Variants in BCL7A observed in about 807,000 individuals in gnomAD.
BCL7A encodes BAF chromatin remodeling complex subunit BCL7A, also known as B-cell CLL/lymphoma 7 protein family member A.
A neutral mutation model predicts 28.4 loss-of-function variants in BCL7A; 11 were observed. The observed-to-expected ratio is 0.39, with a 90% confidence interval of 0.24 to 0.64. The LOEUF is 0.64. BCL7A is among the 30% of genes least tolerant of loss of function. The pLI is 0.50. For missense variants in BCL7A, 222 were observed against 274.8 expected (o/e 0.81, Z 1.36); for synonymous variants, 123 against 103.3 (o/e 1.19, Z -1.15).
At chr12:122,037,861 A>G (rs973401611) in intron 3 of BCL7A, among the ~76,000 whole-genome samples, 1 of 152,222 alleles carries the variant, frequency 6.6e-6, no homozygotes, top group African/African-American at 2.4e-5. Flanking sequence ...AGGCAGGAGA[A>G]TCGCTTGAAC....
intron 1 of BCL7A, among the ~76,000 whole-genome samples, chr12:122,026,129 T>C (rs1047131495): frequency 1.3e-5 from 2 of 149,196 alleles, no homozygotes; most frequent in Admixed American, 6.7e-5. Flanking sequence ...TAGCCGGGAG[T>C]GGTGGCAGGC....
chr12:122,043,832 C>T (rs949060877), intron 3 of BCL7A, 54 bp from the exon 4 acceptor site: 40 of 1,538,924 alleles, frequency 2.6e-5, no homozygotes, highest in African/African-American at 1.6e-4. Context: ...CTGACCTACC[C>T]GTCCTTGGCA....
In BCL7A at chr12:122,029,978, C is replaced by T. The variant is rs528820220; in HGVS notation, c.93-722C>T. On this transcript the variant is annotated intron_variant, in intron 1 of 5. Coordinates refer to ENST00000261822, the MANE Select transcript of BCL7A (RefSeq NM_001024808.3). This position sits in a 1 kb window ranked among gnomAD's most constrained non-coding sequence, Gnocchi z 4.3. The stretch of plus-strand genomic sequence containing the variant: ...TGTAAGTTTCTCCTCATCCATAAAC[C>T]TGCCTCTCACAGTGGGGGGTCTGGA... 6.6e-6 allele frequency among the ~76,000 whole-genome samples: 1 copy of T among 152,270 alleles called. No individual in the cohort carries two copies. Among genetic ancestry groups the T allele is most frequent in the Non-Finnish European group, 1.5e-5 (1 of 68,006 alleles).
intron 4 of BCL7A, among the ~76,000 whole-genome samples, chr12:122,048,161 C>A (rs1884115192): frequency 6.6e-6 from 1 of 152,046 alleles, no homozygotes; most frequent in South Asian, 2.1e-4. Context: ...CCTCGGCCTC[C>A]CAAAGTGCTG....
intron 1 of BCL7A, among the ~76,000 whole-genome samples, chr12:122,023,195 G>C (rs575354508): frequency 2.0e-5 from 3 of 152,334 alleles, no homozygotes; most frequent in East Asian, 1.9e-4. Context: ...CAGATCGCCA[G>C]GTTGGGTCAG....
At chr12:122,033,239 A>T (rs1395552366) in intron 2 of BCL7A, among the ~76,000 whole-genome samples, 2 of 151,948 alleles carry the variant, frequency 1.3e-5, no homozygotes, top group Non-Finnish European at 2.9e-5. Context: ...GGGCTCAAGC[A>T]ATCCTTCTAT....
chr12:122,030,887 C>A, intron 2 of BCL7A, 106 bp downstream of exon 2: 1 of 1,183,878 alleles, frequency 8.4e-7, no homozygotes, highest in Non-Finnish European at 1.2e-6. Flanking sequence ...GGCTCTGGGA[C>A]CAAGAGCCCC....
chr12:122,051,465 C>T (rs773815752), intron 4 of BCL7A, among the ~76,000 whole-genome samples: 1 of 152,218 alleles, frequency 6.6e-6, no homozygotes, highest in Non-Finnish European at 1.5e-5. Flanking sequence ...AAATTTAGGT[C>T]CCAGGAAAAT....
At position 122,041,259 on chromosome 12, in the gene BCL7A, G is replaced by A. The variant is rs887572412; in HGVS notation, c.272-2627G>A. Among the ~76,000 whole-genome samples, 4 of 152,220 alleles carry A rather than the reference G, an allele frequency of 2.6e-5. No homozygotes were observed. In the South Asian group the frequency reaches 8.3e-4, roughly 32 times the overall value. ...CCCTCCGGAAAGTGAAGGTGGTAACGGTGCCTTTCCAACGGGTTGTGGGGA... is the reference window on the plus strand; with the variant it reads ...CCCTCCGGAAAGTGAAGGTGGTAACAGTGCCTTTCCAACGGGTTGTGGGGA... On this transcript the variant is annotated intron_variant, in intron 3 of 5. Transcript: ENST00000261822.
At chr12:122,045,777 C>T (rs377226057) in intron 4 of BCL7A, among the ~76,000 whole-genome samples, 26 of 152,010 alleles carry the variant, frequency 1.7e-4, no homozygotes, top group African/African-American at 6.3e-4. Flanking sequence ...AACATGTCAG[C>T]ACGTGTCTTT....
rs752744811 is a variant in BCL7A, at chr12:122,054,786, C to T, written c.440-19C>T. 1 of 1,608,746 alleles carries T rather than the reference C, an allele frequency of 6.2e-7. No homozygotes were observed. The highest frequency in any genetic ancestry group is 8.5e-7 in the Non-Finnish European group (1 of 1,176,382). On this transcript the variant is annotated intron_variant, in intron 4 of 5. Transcript: ENST00000261822. ...TCACGTGTCTGAAAACAGCTCCTGT[C>T]GTCTTGCTCTTCCCTCAGATGCTTC...
At chr12:122,057,008 C>T (rs1356057237) in intron 5 of BCL7A, among the ~76,000 whole-genome samples, 1 of 152,212 alleles carries the variant, frequency 6.6e-6, no homozygotes, top group East Asian at 1.9e-4. Context: ...CTAATCCCTG[C>T]CTGCCACAGT....
In BCL7A at chr12:122,060,112, C is replaced by T. The variant is rs1029596567; in HGVS notation, c.*949C>T. 11 of 233,108 alleles carry T rather than the reference C, an allele frequency of 4.7e-5. No individual in the cohort carries two copies. The Admixed American group carries it at 5.1e-4, about 11-fold the overall frequency. The allele number at this position is 233,108 out of a possible 1,614,324, so 14.4% of individuals were successfully genotyped here. ...TGAGTGGGCCGGGGAGGCTGGGAGC[C>T]GGCGGCAGGATTAGCTGGTGCTGAA... On this transcript the variant is annotated 3_prime_UTR_variant, in exon 6 of 6. Transcript: ENST00000261822.
At chr12:122,035,791 A>T (rs1883838292) in intron 3 of BCL7A, among the ~76,000 whole-genome samples, 5 of 151,992 alleles carry the variant, frequency 3.3e-5, no homozygotes, top group Admixed American at 2.6e-4. Context: ...TGTGTTTCCC[A>T]TTTTGCTTTG....
rs1285615585 is a variant in BCL7A, at chr12:122,035,834, G to GTTTGT, written c.271+426_271+430dup. ...GGAATCTCCAAACTGGATTTTGTTT[G>GTTTGT]TTTGTTTTGTTTTGTTTTGTTTTTG... On this transcript the variant is annotated intron_variant, in intron 3 of 5. Transcript: ENST00000261822. Among the ~76,000 whole-genome samples, 8 of 152,126 alleles carry GTTTGT rather than the reference G, an allele frequency of 5.3e-5. No homozygotes were observed. In the East Asian group the frequency reaches 5.8e-4, roughly 11 times the overall value.
chr12:122,042,509 G>A (rs1030599273), intron 3 of BCL7A, among the ~76,000 whole-genome samples: 1 of 151,910 alleles, frequency 6.6e-6, no homozygotes, highest in African/African-American at 2.4e-5. Context: ...ACAAAACTCA[G>A]CCAGGTATGG....
At chr12:122,044,594 A>C (rs930606296) in intron 4 of BCL7A, among the ~76,000 whole-genome samples, 3 of 152,082 alleles carry the variant, frequency 2.0e-5, no homozygotes, top group African/African-American at 7.2e-5. Flanking sequence ...AGGCTGAAGC[A>C]GGAGGATCAC....
chr12:122,038,312 A>C (rs1377462541), intron 3 of BCL7A, among the ~76,000 whole-genome samples: 1 of 151,320 alleles, frequency 6.6e-6, no homozygotes, highest in Non-Finnish European at 1.5e-5. Context: ...TGTGCCTGTA[A>C]TCCCAGCTAC....
At chr12:122,023,687 TC>T (rs1055868037) in intron 1 of BCL7A, among the ~76,000 whole-genome samples, 18 of 151,960 alleles carry the variant, frequency 1.2e-4, no homozygotes, top group African/African-American at 4.1e-4. Flanking sequence ...TCTCGGGAGC[TC>T]CCCTGGTACA....
Sources: gnomAD v4.1 joint callset for allele counts (sites outside exome capture counted in the v4.1 genomes callset) on GRCh38, gnomAD v4.1.1 for gene constraint, Gnocchi (gnomAD v3.1) non-coding constraint, MANE v1.5 for transcripts, NCBI Gene and HGNC (gene_info 2026-07-23, HGNC 2026-07-21) for gene names.